The following ARHGAP21 variants were observed in gnomAD, a reference collection of about 807,000 sequenced individuals.
ARHGAP21 encodes the protein Rho GTPase activating protein 21.
ARHGAP21 carries 38 observed loss-of-function variants against 164.6 expected under a neutral mutation model. The observed-to-expected ratio is 0.23, with a 90% confidence interval of 0.18 to 0.30. The LOEUF is 0.30. ARHGAP21 is among the 10% of genes least tolerant of loss of function. The pLI is 1.00. For missense variants in ARHGAP21, 1,822 were observed against 2,370.7 expected (o/e 0.77, Z 4.81); for synonymous variants, 766 against 857.9 (o/e 0.89, Z 1.87).
chr10:24,590,078 C>G, intron 24 of ARHGAP21: 2 of 811,994 alleles, frequency 2.5e-6, no homozygotes, highest in South Asian at 7.6e-5. Context: ...AGGATAATAC[C>G]AATTTTGAAG....
chr10:24,608,249 T>C (rs1464120412), intron 9 of ARHGAP21, among the ~76,000 whole-genome samples: 1 of 152,186 alleles, frequency 6.6e-6, no homozygotes, highest in African/African-American at 2.4e-5. Context: ...AGAATTACTT[T>C]TCAAATTTTA....
At position 24,657,652 on chromosome 10, in the gene ARHGAP21, G is replaced by A. The variant is rs1414016122; in HGVS notation, c.268+9333C>T. On this transcript the variant is annotated intron_variant, in intron 4 of 25. Transcript: ENST00000396432. ...AAGATTGAGAAACCGGATGGTTGCC[G>A]TGTCTGTGTAGAAAGAAGTAGACAT... Among the ~76,000 whole-genome samples, 572 of 118,360 alleles carry A rather than the reference G, an allele frequency of 4.8e-3. 4 individuals carry two copies. Among genetic ancestry groups the A allele is most frequent in the African/African-American group, 0.018 (520 of 28,124 alleles). The allele number at this position is 118,360 out of a possible 152,430, so 77.6% of individuals were successfully genotyped here. A position where few individuals can be genotyped will look rare whatever the true frequency, so the allele number is the denominator to read the frequency against.
intron 2 of ARHGAP21, among the ~76,000 whole-genome samples, chr10:24,715,318 C>CT (rs1481755310): frequency 7.9e-5 from 12 of 152,120 alleles, no homozygotes; most frequent in South Asian, 6.2e-4. Flanking sequence ...TGTTTGTGAT[C>CT]TTTTTTTAAC....
At chr10:24,699,896 C>A (rs1843501760) in intron 2 of ARHGAP21, among the ~76,000 whole-genome samples, 1 of 152,158 alleles carries the variant, frequency 6.6e-6, no homozygotes, top group Non-Finnish European at 1.5e-5. Flanking sequence ...ATTACCTATT[C>A]TTCATCACTC....
intron 21 of ARHGAP21, 83 bp downstream of exon 21, chr10:24,594,867 G>A (rs1220910838): frequency 8.8e-7 from 1 of 1,140,962 alleles, no homozygotes; most frequent in Non-Finnish European, 1.2e-6. Context: ...ACCTTTTATT[G>A]ACTATTTGGC....
At chr10:24,633,281 G>A (rs1042623354) in intron 6 of ARHGAP21, 121 bp downstream of exon 6, 1 of 696,862 alleles carries the variant, frequency 1.4e-6, no homozygotes, top group Non-Finnish European at 2.3e-6. Context: ...TATATCTAAG[G>A]GAAAGTTCCA....
intron 7 of ARHGAP21, chr10:24,629,724 A>C (rs1835668122): frequency 2.2e-6 from 1 of 459,306 alleles, no homozygotes; most frequent in Non-Finnish European, 4.2e-6. Context: ...AGAAGGCAAC[A>C]CTAGGACAAA....
At chr10:24,610,154 ATCACCTGAGG>A (rs1424966853) in intron 9 of ARHGAP21, among the ~76,000 whole-genome samples, 2 of 152,202 alleles carry the variant, frequency 1.3e-5, no homozygotes, top group Non-Finnish European at 2.9e-5. Context: ...AGACGGGTGG[ATCACCTGAGG>A]TCAGGAGTTC....
At chr10:24,594,376 T>G (rs1175076169) in intron 21 of ARHGAP21, among the ~76,000 whole-genome samples, 2 of 152,212 alleles carry the variant, frequency 1.3e-5, no homozygotes, top group Non-Finnish European at 2.9e-5. Context: ...CTGCGCATGG[T>G]GGCTCATGCC....
chr10:24,657,982 C>T (rs1462505322), intron 4 of ARHGAP21, among the ~76,000 whole-genome samples: 1 of 142,434 alleles, frequency 7.0e-6, no homozygotes, highest in African/African-American at 2.7e-5. Context: ...TGCTGACCTT[C>T]CCTCCACTAT....
At chr10:24,674,241 A>G (rs954674625) in intron 2 of ARHGAP21, among the ~76,000 whole-genome samples, 1 of 152,034 alleles carries the variant, frequency 6.6e-6, no homozygotes, top group Non-Finnish European at 1.5e-5. Flanking sequence ...AAATTTAAAA[A>G]TTAGCCAGGT....
chr10:24,687,657 G>C (rs1320743166), intron 2 of ARHGAP21, among the ~76,000 whole-genome samples: 2 of 152,124 alleles, frequency 1.3e-5, no homozygotes, highest in African/African-American at 4.8e-5. Flanking sequence ...CTGAATCAAG[G>C]AACAGATTGC....
Position 24,600,614 on chromosome 10 carries a change from C to A in ARHGAP21, c.3132+32G>T, listed in dbSNP as rs371789252. 159 of 1,599,018 alleles carry A rather than the reference C, an allele frequency of 9.9e-5. No homozygotes were observed. In the African/African-American group the frequency reaches 2.1e-3, roughly 21 times the overall value. On this transcript the variant is annotated intron_variant, in intron 14 of 25. Transcript: ENST00000396432. ...TTGTAAGAAAGTGTTGTGAAAGGGT[C>A]AGATTTCTCCAGCATTCCTTTGAAC...
intron 4 of ARHGAP21, among the ~76,000 whole-genome samples, chr10:24,655,822 C>T (rs1331650680): frequency 3.7e-5 from 5 of 134,978 alleles, no homozygotes; most frequent in Non-Finnish European, 8.0e-5. Context: ...CGTCTCTGCC[C>T]GGCCGCCCAT....
At chr10:24,689,951 T>C (rs1419307326) in intron 2 of ARHGAP21, among the ~76,000 whole-genome samples, 1 of 139,860 alleles carries the variant, frequency 7.2e-6, no homozygotes, top group Non-Finnish European at 1.5e-5. Flanking sequence ...TGTATATGTG[T>C]GTGTGTGTGT....
intron 4 of ARHGAP21, among the ~76,000 whole-genome samples, chr10:24,658,471 C>T (rs1839313608): frequency 1.3e-5 from 2 of 152,182 alleles, no homozygotes; most frequent in Non-Finnish European, 2.9e-5. Context: ...AAATGTGGCA[C>T]ATGTACACCA....
intron 2 of ARHGAP21, among the ~76,000 whole-genome samples, chr10:24,689,195 C>T (rs1842483455): frequency 6.6e-6 from 1 of 152,152 alleles, no homozygotes; most frequent in Non-Finnish European, 1.5e-5. Flanking sequence ...TTCCAATCTT[C>T]TGATCTTGGA....
At chr10:24,667,327 G>A (rs1565130535) in intron 3 of ARHGAP21, among the ~76,000 whole-genome samples, 1 of 152,194 alleles carries the variant, frequency 6.6e-6, no homozygotes, top group East Asian at 1.9e-4. Context: ...GCATTTGAGT[G>A]CGAGATTTCT....
rs111848904 is a variant in ARHGAP21 at position 24,595,663 on chromosome 10, T to C, written c.3712+54A>G. On this transcript the variant is annotated intron_variant, in intron 19 of 25. Coordinates refer to ENST00000396432, the MANE Select transcript of ARHGAP21 (RefSeq NM_020824.4). ...TGTTCAATTTAATATTCTATGGTTT[T>C]CCAATTGTAACTTGAACCATTTCAT... The C allele has an allele frequency of 1.2e-5, 19 of 1,532,670 alleles. No individual in the cohort carries two copies. In the African/African-American group the frequency reaches 1.7e-4, roughly 13 times the overall value. 94.9% of individuals were successfully genotyped at this position (1,532,670 alleles called of 1,614,324 possible).
Sources: allele counts gnomAD v4.1 joint callset (sites outside exome capture counted in the v4.1 genomes callset), GRCh38; gene constraint gnomAD v4.1.1; transcripts MANE v1.5; gene names NCBI Gene and HGNC (gene_info 2026-07-23, HGNC 2026-07-21).